Variants in GCNT2 observed in about 807,000 individuals in gnomAD.
GCNT2 encodes glucosaminyl (N-acetyl) transferase 2 (I blood group), also known as N-acetyllactosaminide beta-1,6-N-acetylglucosaminyl-transferase.
In GCNT2, 34 loss-of-function variants were observed where a neutral mutation model predicts 34.2. That is an observed-to-expected ratio of 1.00 (90% CI 0.76 to 1.32). The LOEUF (loss-of-function observed/expected upper bound fraction) is 1.32, where lower values mean the gene tolerates loss of function less well. Ranked by LOEUF, GCNT2 falls within the 40% of genes most tolerant of loss-of-function variation. The pLI, the probability that GCNT2 is intolerant of heterozygous loss-of-function variation, is 0.00. For synonymous variants in GCNT2, 212 were observed against 188.0 expected (o/e 1.13, Z -1.04); for missense variants, 584 against 489.4 (o/e 1.19, Z -1.82).
chr6:10,594,787 G>T (rs1764782505), intron 3 of GCNT2, among the ~76,000 whole-genome samples: 2 of 152,076 alleles, frequency 1.3e-5, no homozygotes, highest in African/African-American at 4.8e-5. Flanking sequence ...AGATGTAGAT[G>T]TACCCAAAGA....
chr6:10,613,497 G>A (rs1765640678), intron 3 of GCNT2, among the ~76,000 whole-genome samples: 1 of 152,014 alleles, frequency 6.6e-6, no homozygotes, highest in African/African-American at 2.4e-5. Flanking sequence ...TCCTGACAAA[G>A]AATAGTGATA....
At chr6:10,576,059 G>A (rs954746203) in intron 3 of GCNT2, among the ~76,000 whole-genome samples, 4 of 152,114 alleles carry the variant, frequency 2.6e-5, no homozygotes, top group South Asian at 2.1e-4. Flanking sequence ...GCATGAAAAC[G>A]GGGTTTCACC....
At chr6:10,622,495 G>A (rs974982908) in intron 4 of GCNT2, among the ~76,000 whole-genome samples, 3 of 151,788 alleles carry the variant, frequency 2.0e-5, no homozygotes, top group Non-Finnish European at 4.4e-5. Flanking sequence ...ATTGGATTAT[G>A]GCCCACCCTA....
chr6:10,574,110 C>T (rs150359000), intron 3 of GCNT2, among the ~76,000 whole-genome samples: 18 of 152,288 alleles, frequency 1.2e-4, no homozygotes, highest in African/African-American at 3.9e-4. Context: ...ATGGGGTCAG[C>T]GTTCTTAATG....
At chr6:10,613,721 G>A (rs375320433) in intron 3 of GCNT2, among the ~76,000 whole-genome samples, 9 of 151,726 alleles carry the variant, frequency 5.9e-5, no homozygotes, top group South Asian at 4.2e-4. Flanking sequence ...CTTTATATAC[G>A]TGTGTGTGTG....
intron 3 of GCNT2, among the ~76,000 whole-genome samples, chr6:10,584,950 A>G (rs534593625): frequency 2.0e-5 from 3 of 151,750 alleles, no homozygotes; most frequent in Non-Finnish European, 4.4e-5. Context: ...TTCATGTAAA[A>G]TGTCAGTCCT....
chr6:10,623,717 G>C (rs974605284), intron 4 of GCNT2, among the ~76,000 whole-genome samples: 12 of 152,110 alleles, frequency 7.9e-5, no homozygotes, highest in African/African-American at 2.2e-4. Context: ...TTATTTTACT[G>C]TCTTTCTTCC....
At chr6:10,559,926 T>C (rs1341584205) in intron 3 of GCNT2, among the ~76,000 whole-genome samples, 1 of 152,244 alleles carries the variant, frequency 6.6e-6, no homozygotes, top group Admixed American at 6.5e-5. Flanking sequence ...AATCTTCAAA[T>C]GCTCTAGCCC....
intron 3 of GCNT2, among the ~76,000 whole-genome samples, chr6:10,535,683 T>C (rs1406509606): frequency 5.9e-5 from 9 of 152,202 alleles, no homozygotes; most frequent in Non-Finnish European, 1.3e-4. Flanking sequence ...ATTTTGAATA[T>C]AACTCCATGG....
At chr6:10,544,573 C>T (rs1349535688) in intron 3 of GCNT2, among the ~76,000 whole-genome samples, 2 of 151,830 alleles carry the variant, frequency 1.3e-5, no homozygotes, top group Admixed American at 6.6e-5. Context: ...CACTGCACTC[C>T]AGCCTGGGTG....
intron 3 of GCNT2, among the ~76,000 whole-genome samples, chr6:10,591,581 A>G (rs1013034904): frequency 6.6e-6 from 1 of 152,224 alleles, no homozygotes; most frequent in Non-Finnish European, 1.5e-5. Flanking sequence ...AGAAAGTCAC[A>G]GCAGGCGGCG....
Position 10,529,457 on chromosome 6 carries a change from T to C in GCNT2, c.546T>C (p.Val182=), listed in dbSNP as rs761578619. The C allele has an allele frequency of 1.9e-6, 3 of 1,614,064 alleles. No homozygotes were observed. In the Admixed American group the frequency reaches 5.0e-5, roughly 27 times the overall value. The change falls in exon 3 of 5, where the codon GTT becomes GTC. Residue 182 remains valine, a synonymous_variant. Coordinates refer to ENST00000495262, the MANE Select transcript of GCNT2 (RefSeq NM_145649.5). ...TGGAAGACCTTGTGGCCTCTGAAGT[T>C]CCCTGGAAGTATGTCATCAACACCT... is the stretch of plus-strand genomic sequence containing the variant. ...NCLEDLVASE[V]PWKYVINTCG...
intron 1 of GCNT2, among the ~76,000 whole-genome samples, chr6:10,522,769 G>GGGAGGGTT (rs1760980782): frequency 6.6e-6 from 1 of 152,128 alleles, no homozygotes; most frequent in African/African-American, 2.4e-5. Flanking sequence ...GATAGAGGTC[G>GGGAGGGTT]GGAGGGTAAG....
chr6:10,558,469 C>A (rs1189489334), intron 3 of GCNT2, among the ~76,000 whole-genome samples: 2 of 152,158 alleles, frequency 1.3e-5, no homozygotes, highest in Non-Finnish European at 2.9e-5. Flanking sequence ...GCAGAAACTC[C>A]TTGCTTTCTC....
chr6:10,552,335 A>C (rs1400173448), intron 3 of GCNT2, among the ~76,000 whole-genome samples: 1 of 151,406 alleles, frequency 6.6e-6, no homozygotes, highest in African/African-American at 2.4e-5. Flanking sequence ...CCACCTGGCC[A>C]CCCAGAGCAG....
intron 4 of GCNT2, among the ~76,000 whole-genome samples, chr6:10,623,310 G>A (rs1219621661): frequency 1.4e-5 from 2 of 146,478 alleles, no homozygotes; most frequent in Non-Finnish European, 3.0e-5. Flanking sequence ...TTTTTTTTGA[G>A]ATGGAGTTTC....
chr6:10,615,526 C>A (rs1456095329), intron 3 of GCNT2, among the ~76,000 whole-genome samples: 1 of 152,080 alleles, frequency 6.6e-6, no homozygotes, highest in African/African-American at 2.4e-5. Context: ...GTTGCCCAGG[C>A]TGGTCTGAAA....
intron 3 of GCNT2, chr6:10,586,117 A>G: frequency 6.2e-7 from 1 of 1,614,190 alleles, no homozygotes; most frequent in Non-Finnish European, 8.5e-7. Flanking sequence ...AGTGAAAGGT[A>G]TTTTAGGAAA....
chr6:10,615,685 A>G (rs1387607850), intron 3 of GCNT2, among the ~76,000 whole-genome samples: 2 of 152,060 alleles, frequency 1.3e-5, no homozygotes. Context: ...AAGTAAAGGA[A>G]TAAAAGAATG....
Sources: gnomAD v4.1 joint callset for allele counts (sites outside exome capture counted in the v4.1 genomes callset) on GRCh38, gnomAD v4.1.1 for gene constraint, MANE v1.5 for transcripts, NCBI Gene and HGNC (gene_info 2026-07-23, HGNC 2026-07-21) for gene names.